The following KLHL15 variants were observed in gnomAD, a reference collection of about 807,000 sequenced individuals.
KLHL15 encodes the protein kelch-like protein 15.
A neutral mutation model predicts 29.3 loss-of-function variants in KLHL15; 1 was observed. That is an observed-to-expected ratio of 0.03 (90% CI 0.01 to 0.16). KLHL15 has a LOEUF of 0.16. KLHL15 is among the 10% of genes least tolerant of loss of function. KLHL15 has a pLI of 1.00. For synonymous variants in KLHL15, 212 were observed against 184.5 expected (o/e 1.15, Z -1.21); for missense variants, 215 against 478.5 (o/e 0.45, Z 5.14).
chrX:23,990,736 T>C (rs766878936), intron 3 of KLHL15, among the ~76,000 whole-genome samples: 4 of 110,194 alleles, frequency 3.6e-5, no homozygotes, highest in Non-Finnish European at 7.6e-5. Flanking sequence ...GGGAGGGAAG[T>C]CAAAACCAGG....
At chrX:23,999,201 G>A (rs941872526) in intron 3 of KLHL15, among the ~76,000 whole-genome samples, 2 of 111,084 alleles carry the variant, frequency 1.8e-5, no homozygotes, top group African/African-American at 3.3e-5. Context: ...GAGCCACTGC[G>A]CTTGGCCACG....
At chrX:24,015,212 T>C (rs768216874) in intron 2 of KLHL15, among the ~76,000 whole-genome samples, 29 of 112,425 alleles carry the variant, frequency 2.6e-4, no homozygotes, top group Non-Finnish European at 5.3e-4. Context: ...GCCTTCTCTC[T>C]GCATCTGTAA....
At chrX:23,991,353 CAA>C (rs35278201) in intron 3 of KLHL15, among the ~76,000 whole-genome samples, 43 of 55,492 alleles carry the variant, frequency 7.7e-4, no homozygotes, top group South Asian at 2.2e-3. Flanking sequence ...AACTCTGTCT[CAA>C]AAAAAAAAAA....
chrX:23,997,500 G>A (rs1929213570), intron 3 of KLHL15, among the ~76,000 whole-genome samples: 2 of 109,189 alleles, frequency 1.8e-5, no homozygotes, highest in Non-Finnish European at 3.8e-5. Context: ...CACTTAGGGA[G>A]GCAGGTGAAC....
intron 3 of KLHL15, among the ~76,000 whole-genome samples, chrX:23,997,857 C>A (rs984929483): frequency 9.3e-6 from 1 of 107,463 alleles, no homozygotes; most frequent in Non-Finnish European, 1.9e-5. Flanking sequence ...GGCGGGAGGA[C>A]GGCTTGATGC....
intron 2 of KLHL15, among the ~76,000 whole-genome samples, chrX:24,019,980 C>T (rs1929771756): frequency 1.8e-5 from 2 of 112,044 alleles, no homozygotes; most frequent in Admixed American, 9.5e-5. Context: ...AAAATTCATA[C>T]AAAAGCTTAA....
chrX:24,024,292 C>A (rs1929873604), intron 2 of KLHL15, among the ~76,000 whole-genome samples: 1 of 112,043 alleles, frequency 8.9e-6, no homozygotes, highest in African/African-American at 3.2e-5. Flanking sequence ...AAAGAGGCAG[C>A]AACAGTTAGC....
In KLHL15 at chrX:23,996,006, C is replaced by T. The variant is rs1290447301; in HGVS notation, c.706-6976G>A. On this transcript the variant is annotated intron_variant, in intron 3 of 3. Coordinates refer to ENST00000328046, the MANE Select transcript of KLHL15 (RefSeq NM_030624.3). ...TCAGGTGATCTGCCTGCCTTGGCCT[C>T]CCAAAGTGCTGGGATTACAGGCATG... 2.7e-5 allele frequency among the ~76,000 whole-genome samples: 3 copies of T among 110,660 alleles called. No individual in the cohort carries two copies. The East Asian group carries it at 8.6e-4, about 32-fold the overall frequency.
chrX:23,989,157 T>TA (rs2147096123), intron 3 of KLHL15, 127 bp from the exon 4 acceptor site: 5 of 517,505 alleles, frequency 9.7e-6, no homozygotes, highest in Non-Finnish European at 1.5e-5. Flanking sequence ...TAAGATCACC[T>TA]ACTTTCTTTT....
intron 3 of KLHL15, among the ~76,000 whole-genome samples, chrX:23,995,663 G>T (rs1929173281): frequency 9.0e-6 from 1 of 111,048 alleles, no homozygotes; most frequent in Admixed American, 9.7e-5. Context: ...GTGACATCAT[G>T]ATCTGCCTGC....
At chrX:24,022,741 CG>C (rs1702784884) in intron 2 of KLHL15, among the ~76,000 whole-genome samples, 1 of 100,199 alleles carries the variant, frequency 1.0e-5, no homozygotes, top group South Asian at 4.9e-4. Context: ...TTTTTTGAGA[CG>C]GAGTTTTGCT....
rs1929889092 is a variant in KLHL15, at chrX:24,024,912, G to A, written c.-63C>T. 5 of 296,721 alleles carry A rather than the reference G, an allele frequency of 1.7e-5. No homozygotes were observed. The highest frequency in any genetic ancestry group is 2.0e-4 in the South Asian group (1 of 5,018). The allele number at this position is 296,721 out of a possible 1,213,427, so 24.5% of individuals were successfully genotyped here. A position where few individuals can be genotyped will look rare whatever the true frequency, so the allele number is the denominator to read the frequency against. ...CGGCAGTCTGCATCAGGAAGAACCG[G>A]GCCAGCGGGCCGATGGGTGGGCGGT... On this transcript the variant is annotated 5_prime_UTR_variant, in exon 2 of 4. Coordinates refer to ENST00000328046, the MANE Select transcript of KLHL15 (RefSeq NM_030624.3).
At chrX:23,999,610 A>AAAAG (rs1263045330) in intron 3 of KLHL15, among the ~76,000 whole-genome samples, 4 of 109,776 alleles carry the variant, frequency 3.6e-5, no homozygotes, top group African/African-American at 1.0e-4. Context: ...AAAAAAAAAA[A>AAAAG]AGAGAGAATC....
intron 3 of KLHL15, among the ~76,000 whole-genome samples, chrX:23,998,810 C>A (rs1201878196): frequency 8.9e-6 from 1 of 112,193 alleles, no homozygotes; most frequent in Non-Finnish European, 1.9e-5. Flanking sequence ...CAAACCTTTT[C>A]TCCAGTCATT....
In KLHL15 at chrX:23,985,509, AT is replaced by A. The variant is rs1389236879; in HGVS notation, c.*2411del. On this transcript the variant is annotated 3_prime_UTR_variant, in exon 4 of 4. Transcript: ENST00000328046. ...ATTCAGAACCCAAGCAACAGCAACTATCCTTAAAGCTCAAAACTGATTACAG... is the reference window on the plus strand; with the variant it reads ...ATTCAGAACCCAAGCAACAGCAACTACCTTAAAGCTCAAAACTGATTACAG... 8.9e-6 allele frequency: 1 copy of A among 112,553 alleles called. No individual in the cohort carries two copies. The highest frequency in any genetic ancestry group is 1.9e-5 in the Non-Finnish European group (1 of 53,262). 9.3% of individuals were successfully genotyped at this position (112,553 alleles called of 1,213,427 possible). A position where few individuals can be genotyped will look rare whatever the true frequency, so the allele number is the denominator to read the frequency against.
rs1273497376 is a variant in KLHL15 at position 24,007,504 on chromosome X, AAAAAATATATAT to A, written c.-7-816_-7-805del. Among the ~76,000 whole-genome samples, 513 of 54,968 alleles carry A rather than the reference AAAAAATATATAT, an allele frequency of 9.3e-3. 10 individuals carry two copies. The highest frequency in any genetic ancestry group is 0.043 in the African/African-American group (469 of 10,933). 47.7% of individuals were successfully genotyped at this position (54,968 alleles called of 115,157 possible). A position where few individuals can be genotyped will look rare whatever the true frequency, so the allele number is the denominator to read the frequency against. On this transcript the variant is annotated intron_variant, in intron 2 of 3. Transcript: ENST00000328046. ...AGACCCCATTTCCAAAAAAAAAAAA[AAAAAATATATAT>A]ATATATATATATATATATATCAAAC... is the stretch of plus-strand genomic sequence containing the variant.
At chrX:24,026,943 T>C (rs1929944720) in intron 1 of KLHL15, among the ~76,000 whole-genome samples, 197 bp downstream of exon 1, 1 of 112,557 alleles carries the variant, frequency 8.9e-6, no homozygotes, top group East Asian at 2.8e-4. Flanking sequence ...TATCTATTAC[T>C]ACATGACAAA....
chrX:24,008,109 T>G (rs1448614232), intron 2 of KLHL15, among the ~76,000 whole-genome samples: 1 of 112,064 alleles, frequency 8.9e-6, no homozygotes, highest in Non-Finnish European at 1.9e-5. Flanking sequence ...ACAATAATGA[T>G]GTAATGCTTA....
intron 3 of KLHL15, among the ~76,000 whole-genome samples, chrX:24,004,347 T>TCAAAA (rs774846341): frequency 9.1e-6 from 1 of 109,655 alleles, no homozygotes; most frequent in Non-Finnish European, 1.9e-5. Flanking sequence ...GAGACTCCTC[T>TCAAAA]CAAAACAAAA....
Sources: allele counts gnomAD v4.1 joint callset (sites outside exome capture counted in the v4.1 genomes callset), GRCh38; gene constraint gnomAD v4.1.1; transcripts MANE v1.5; gene names NCBI Gene and HGNC (gene_info 2026-07-23, HGNC 2026-07-21).